Variants in PLXNA4 observed in about 807,000 individuals in gnomAD.
PLXNA4 encodes plexin-A4.
A neutral mutation model predicts 191.8 loss-of-function variants in PLXNA4; 44 were observed. The ratio of observed to expected loss-of-function variants is 0.23; its 90% CI spans 0.18 to 0.29. PLXNA4 has a LOEUF of 0.29. Ranked by LOEUF, PLXNA4 falls within the 10% of genes least tolerant of loss-of-function variation. PLXNA4 has a pLI of 1.00. For missense variants in PLXNA4, 1,800 were observed against 2,488.8 expected (o/e 0.72, Z 5.89); for synonymous variants, 1,082 against 1,009.5 (o/e 1.07, Z -1.36).
At chr7:132,518,460 G>A (rs1200090893) in intron 1 of PLXNA4, among the ~76,000 whole-genome samples, 1 of 152,006 alleles carries the variant, frequency 6.6e-6, no homozygotes, top group African/African-American at 2.4e-5. Context: ...CTTCCGGTGT[G>A]CTTCCCTCTG....
intron 3 of PLXNA4, among the ~76,000 whole-genome samples, chr7:132,400,204 T>C (rs573424236): frequency 6.6e-6 from 1 of 152,254 alleles, no homozygotes; most frequent in Admixed American, 6.5e-5. Flanking sequence ...GAGTGAATGA[T>C]CCATACGTGT....
At chr7:132,471,953 G>T (rs1354432115) in intron 3 of PLXNA4, among the ~76,000 whole-genome samples, 1 of 152,118 alleles carries the variant, frequency 6.6e-6, no homozygotes, top group African/African-American at 2.4e-5. Context: ...TGCCCAAAAA[G>T]GGACACACCT....
intron 3 of PLXNA4, among the ~76,000 whole-genome samples, chr7:132,467,435 C>T (rs984005007): frequency 1.3e-5 from 2 of 152,164 alleles, no homozygotes; most frequent in Non-Finnish European, 2.9e-5. Flanking sequence ...TGTTACTATA[C>T]TGCTTCATAC....
chr7:132,140,152 T>C (rs1157609478), intron 30 of PLXNA4, among the ~76,000 whole-genome samples: 1 of 152,164 alleles, frequency 6.6e-6, no homozygotes, highest in Non-Finnish European at 1.5e-5. Context: ...GACAAAGGCA[T>C]CCCCACTGAA....
intron 3 of PLXNA4, among the ~76,000 whole-genome samples, chr7:132,345,579 G>T (rs542630995): frequency 6.6e-6 from 1 of 152,134 alleles, no homozygotes. Flanking sequence ...CAGGTCATTC[G>T]GTTGCTCTGG....
chr7:132,489,220 G>A lies in PLXNA4; in HGVS notation c.1371+72C>T, dbSNP rs1563129003. ...CACACGCCCAAGTTAGCAAAAAGAT[G>A]TAAGATAACATCCAGCCCAGGAGGG... On this transcript the variant is annotated intron_variant, in intron 3 of 31. Coordinates refer to ENST00000321063, the MANE Select transcript of PLXNA4 (RefSeq NM_020911.2). 5 of 1,457,092 alleles carry A rather than the reference G, an allele frequency of 3.4e-6. No homozygotes were observed. The South Asian group carries it at 5.7e-5, about 17-fold the overall frequency. 90.3% of individuals were successfully genotyped at this position (1,457,092 alleles called of 1,614,324 possible). A position where few individuals can be genotyped will look rare whatever the true frequency, so the allele number is the denominator to read the frequency against.
At chr7:132,280,798 G>A (rs1800452003) in intron 4 of PLXNA4, among the ~76,000 whole-genome samples, 1 of 152,152 alleles carries the variant, frequency 6.6e-6, no homozygotes, top group Non-Finnish European at 1.5e-5. Context: ...AGAGATTGAG[G>A]TAAAGTTAAT....
chr7:132,299,347 T>C (rs543990288), intron 3 of PLXNA4, among the ~76,000 whole-genome samples: 1 of 152,240 alleles, frequency 6.6e-6, no homozygotes, highest in South Asian at 2.1e-4. Flanking sequence ...TTTTAACCTC[T>C]CACAAGATCA....
chr7:132,301,956 A>G (rs1801323745), intron 3 of PLXNA4, among the ~76,000 whole-genome samples: 1 of 152,218 alleles, frequency 6.6e-6, no homozygotes, highest in African/African-American at 2.4e-5. Flanking sequence ...AAGTTCAATG[A>G]TAAACCAATG....
chr7:132,481,516 CA>C (rs983623401), intron 3 of PLXNA4, among the ~76,000 whole-genome samples: 1 of 150,348 alleles, frequency 6.7e-6, no homozygotes, highest in Non-Finnish European at 1.5e-5. Context: ...ACCCCACCCC[CA>C]AAAAAAAACA....
intron 21 of PLXNA4, among the ~76,000 whole-genome samples, chr7:132,173,662 C>T (rs1019645905): frequency 1.3e-5 from 2 of 152,234 alleles, no homozygotes; most frequent in Admixed American, 1.3e-4. Flanking sequence ...ACTACATTCC[C>T]TTGGACAGCC....
rs1797685687 is a variant in PLXNA4 at position 132,489,278 on chromosome 7, C to T, written c.1371+14G>A. On this transcript the variant is annotated intron_variant, in intron 3 of 31. Coordinates refer to ENST00000321063, the MANE Select transcript of PLXNA4 (RefSeq NM_020911.2). ...GTCTTCACAGTAACCAAAAGTACTG[C>T]ACCTCATTCCTACCTTCTTCAGCTT... 2 of 1,573,222 alleles carry T rather than the reference C, an allele frequency of 1.3e-6. No homozygotes were observed. Among genetic ancestry groups the T allele is most frequent in the African/African-American group, 1.3e-5 (1 of 74,348 alleles).
In PLXNA4 at chr7:132,489,385, C is replaced by T. The variant is rs763452302; in HGVS notation, c.1278G>A (p.Thr426=). ...CAGACGTCATGCGGTCCCTGTCCTCCGTGAAGACGGGAATTCCACGCACCA... is the reference window on the plus strand; with the variant it reads ...CAGACGTCATGCGGTCCCTGTCCTCTGTGAAGACGGGAATTCCACGCACCA... ...SDMVRGIPVF[T]EDRDRMTSVI... is the part of the protein sequence containing the mutation. Residue 426 remains threonine (T), a synonymous_variant, in exon 3 of 32, where the codon ACG becomes ACA. Transcript: ENST00000321063. 5.0e-6 allele frequency: 8 copies of T among 1,606,530 alleles called. No homozygotes were observed. Among genetic ancestry groups the T allele is most frequent in the African/African-American group, 1.3e-5 (1 of 74,826 alleles).
At chr7:132,262,232 G>A (rs1226089998) in intron 4 of PLXNA4, among the ~76,000 whole-genome samples, 1 of 152,152 alleles carries the variant, frequency 6.6e-6, no homozygotes, top group African/African-American at 2.4e-5. Context: ...GTGGGGAGAA[G>A]GTTACACCTG....
At chr7:132,621,240 T>A (rs1207269998) in intron 2 of PLXNA4, among the ~76,000 whole-genome samples, 1 of 125,792 alleles carries the variant, frequency 7.9e-6, no homozygotes, top group African/African-American at 2.8e-5. Flanking sequence ...CTCTTGGTTT[T>A]TTTTTGTTTT....
chr7:132,299,887 C>T (rs552393420), intron 3 of PLXNA4, among the ~76,000 whole-genome samples: 3 of 152,312 alleles, frequency 2.0e-5, no homozygotes, highest in African/African-American at 7.2e-5. Flanking sequence ...TTTCTTCACT[C>T]TCAAAGGGGT....
chr7:132,497,144 A>ACACACG (rs59183539), intron 2 of PLXNA4, among the ~76,000 whole-genome samples: 1 of 150,506 alleles, frequency 6.6e-6, no homozygotes, highest in African/African-American at 2.4e-5. Context: ...ACACACACAC[A>ACACACG]TACACATATC....
At chr7:132,533,901 C>T (rs1419948896) in intron 1 of PLXNA4, among the ~76,000 whole-genome samples, 1 of 151,866 alleles carries the variant, frequency 6.6e-6, no homozygotes, top group African/African-American at 2.4e-5. Flanking sequence ...TGGGGTTGCT[C>T]TAAAGGACAG....
At chr7:132,559,273 G>C (rs573946279) in intron 1 of PLXNA4, among the ~76,000 whole-genome samples, 57 of 152,150 alleles carry the variant, frequency 3.7e-4, no homozygotes, top group Non-Finnish European at 7.6e-4. Context: ...ACCTCTATGG[G>C]GTTTTTGAAA....
Sources: allele counts gnomAD v4.1 joint callset (sites outside exome capture counted in the v4.1 genomes callset), GRCh38; gene constraint gnomAD v4.1.1; transcripts MANE v1.5; gene names NCBI Gene and HGNC (gene_info 2026-07-23, HGNC 2026-07-21).